The following GRINA variants were observed in gnomAD, a reference collection of about 807,000 sequenced individuals.
The protein encoded by GRINA is protein lifeguard 1.
Under a neutral mutation model 42.5 loss-of-function variants are expected in GRINA, and 26 were observed. The observed-to-expected ratio is 0.61, with a 90% CI of 0.45 to 0.85. The LOEUF is 0.85. GRINA is among the 40% of genes least tolerant of loss of function. The pLI, the probability that GRINA is intolerant of heterozygous loss-of-function variation, is 0.00. For missense variants in GRINA, 475 were observed against 481.5 expected (o/e 0.99, Z 0.13); for synonymous variants, 256 against 204.2 (o/e 1.25, Z -2.17).
rs782297335 is a variant in GRINA, at chr8:143,992,833, A to G, written c.1108A>G (p.Lys370Glu). 1 of 1,613,242 alleles carries G rather than the reference A, an allele frequency of 6.2e-7. No individual in the cohort carries two copies. The highest frequency in any genetic ancestry group is 1.3e-5 in the African/African-American group (1 of 74,920). ...CATCCTCACCATCATTGGCCGCGCCAAGGAGTAGCCGAGCTCCAGCTCGCT... is the reference window on the plus strand; with the variant it reads ...CATCCTCACCATCATTGGCCGCGCCGAGGAGTAGCCGAGCTCCAGCTCGCT... ...LYILTIIGRA[K>E]E The change falls in exon 7 of 7, where the codon AAG (lysine) becomes GAG (glutamate). Residue 370 changes from lysine (K) to glutamate (E), a missense_variant. By Grantham distance (56) the Lys-to-Glu change is moderately conservative (BLOSUM62 1). This residue lies in a region of GRINA where 154 missense variants were observed against 214.2 expected (regional missense o/e 0.72). Transcript: ENST00000395068.
In GRINA at chr8:143,990,799, C is replaced by T. The variant is rs75138349; in HGVS notation, c.-24-401C>T. On this transcript the variant is annotated intron_variant, in intron 1 of 6. Transcript: ENST00000395068. The surrounding 1 kb of genome is among the most constrained non-coding windows in gnomAD (Gnocchi z 5.6). ...TTAAAGCTGCTTAAGGGGCGGGATG[C>T]GGAGGGGAGGGTCCGGGCACACCCC... The T allele has an allele frequency of 0.031, 4,837 of 153,794 alleles. 99 individuals carry two copies. The highest frequency in any genetic ancestry group is 0.046 in the South Asian group (234 of 5,064). The allele number at this position is 153,794 out of a possible 1,614,324, so 9.5% of individuals were successfully genotyped here. A position where few individuals can be genotyped will look rare whatever the true frequency, so the allele number is the denominator to read the frequency against.
rs1554750398 is a variant in GRINA, at chr8:143,991,319, T to C, written c.96T>C (p.Tyr32=). 7.2e-7 allele frequency: 1 copy of C among 1,390,066 alleles called. No homozygotes were observed. The highest frequency in any genetic ancestry group is 9.8e-7 in the Non-Finnish European group (1 of 1,020,568). The allele number at this position is 1,390,066 out of a possible 1,614,324, so 86.1% of individuals were successfully genotyped here. The change falls in exon 2 of 7, where the codon TAT becomes TAC. Residue 32 remains tyrosine (Y), a synonymous_variant. Transcript: ENST00000395068. ...PGGPQPPMPP[Y]AQPPYPGAPY... ...GGCCCCAGCCACCCATGCCCCCCTATGCTCAGCCTCCCTACCCTGGGGCCC... is the reference window on the plus strand; with the variant it reads ...GGCCCCAGCCACCCATGCCCCCCTACGCTCAGCCTCCCTACCCTGGGGCCC...
Position 143,991,337 on chromosome 8 carries a change from TG to T in GRINA, c.118del (p.Ala40ProfsTer128). On this transcript the variant is annotated frameshift_variant, in exon 2 of 7. Coordinates refer to ENST00000395068, the MANE Select transcript of GRINA (RefSeq NM_001009184.2). LOFTEE classifies it high-confidence loss of function. Reference protein sequence around the residue: ...MPPYAQPPYPGAPYPQPPFQP... With the variant: ...MPPYAQPPYPXAPYPQPPFQP... ...CCCCCTATGCTCAGCCTCCCTACCCTGGGGCCCCTTACCCACAGCCCCCTTT... is the reference window on the plus strand; with the variant it reads ...CCCCCTATGCTCAGCCTCCCTACCCTGGGCCCCTTACCCACAGCCCCCTTT... 6 of 1,366,258 alleles carry T rather than the reference TG, an allele frequency of 4.4e-6. No individual in the cohort carries two copies. Among genetic ancestry groups the T allele is most frequent in the Non-Finnish European group, 5.0e-6 (5 of 1,006,360 alleles). 84.6% of individuals were successfully genotyped at this position (1,366,258 alleles called of 1,614,324 possible).
intron 5 of GRINA, 29 bp downstream of exon 5, chr8:143,992,402 GC>G: frequency 3.1e-6 from 5 of 1,610,528 alleles, no homozygotes; most frequent in Non-Finnish European, 4.2e-6. Context: ...CTGGGCTGTG[GC>G]CGCAGGGGCT....
chr8:143,992,646 G>T, intron 6 of GRINA, 38 bp downstream of exon 6: 4 of 1,613,954 alleles, frequency 2.5e-6, no homozygotes, highest in Non-Finnish European at 3.4e-6. Flanking sequence ...GCGGGATGCT[G>T]GGCAGGCAGG....
chr8:143,991,466 G>C lies in GRINA; in HGVS notation c.243G>C (p.Gln81His). 1 of 1,499,366 alleles carries C rather than the reference G, an allele frequency of 6.7e-7. No homozygotes were observed. The highest frequency in any genetic ancestry group is 1.3e-5 in the South Asian group (1 of 76,386). 92.9% of individuals were successfully genotyped at this position (1,499,366 alleles called of 1,614,324 possible). A position where few individuals can be genotyped will look rare whatever the true frequency, so the allele number is the denominator to read the frequency against. ...CCTACCCCCAAGGGGGCTACCCACAGGGCCCCTACCCACAAGAGGGCTACC... is the reference window on the plus strand; with the variant it reads ...CCTACCCCCAAGGGGGCTACCCACACGGCCCCTACCCACAAGAGGGCTACC... ...QGPYPQGGYP[Q>H]GPYPQEGYPQ... is the part of the protein sequence containing the mutation. Residue 81 changes from glutamine (Q) to histidine (H), a missense_variant, in exon 2 of 7, where the codon CAG becomes CAC. By Grantham distance (24) the Gln-to-His change is conservative. Coordinates refer to ENST00000395068, the MANE Select transcript of GRINA (RefSeq NM_001009184.2).
At position 143,993,092 on chromosome 8, in the gene GRINA, T is replaced by G. The variant is rs1341859279; in HGVS notation, c.*251T>G. The G allele has an allele frequency of 8.1e-6, 4 of 493,768 alleles. No homozygotes were observed. In the Admixed American group the frequency reaches 1.1e-4, roughly 13 times the overall value. The allele number at this position is 493,768 out of a possible 1,614,324, so 30.6% of individuals were successfully genotyped here. On this transcript the variant is annotated 3_prime_UTR_variant, in exon 7 of 7. Transcript: ENST00000395068. ...ACCAAGGCCACGTTTCCGTGCCACC[T>G]CCTGTCTACTCATTGTTGCATGAGC...
At position 143,991,571 on chromosome 8, in the gene GRINA, G is replaced by A; in HGVS notation, c.348G>A (p.Gln116=). 6.3e-7 allele frequency: 1 copy of A among 1,583,484 alleles called. No individual in the cohort carries two copies. ...CCTTCCCCCCCAACCCCTATGGACAGCCACAGGTCTTCCCAGGACAAGACC... is the reference window on the plus strand; with the variant it reads ...CCTTCCCCCCCAACCCCTATGGACAACCACAGGTCTTCCCAGGACAAGACC... ...QSPFPPNPYG[Q]PQVFPGQDPD... The change falls in exon 2 of 7, where the codon CAG becomes CAA. Residue 116 remains glutamine (Q), a synonymous_variant. Transcript: ENST00000395068.
At position 143,992,739 on chromosome 8, in the gene GRINA, C is replaced by T; in HGVS notation, c.1014C>T (p.Ser338=). 1 of 1,613,956 alleles carries T rather than the reference C, an allele frequency of 6.2e-7. No homozygotes were observed. Among genetic ancestry groups the T allele is most frequent in the Non-Finnish European group, 8.5e-7 (1 of 1,179,874 alleles). ...TGCTACTGGGGAACAAGCAGCTGTC[C>T]CTGAGCCCAGAAGAGTATGTGTTTG... ...TQLLLGNKQL[S]LSPEEYVFAA... The change falls in exon 7 of 7, where the codon TCC becomes TCT. Residue 338 remains serine, a synonymous_variant. Coordinates refer to ENST00000395068, the MANE Select transcript of GRINA (RefSeq NM_001009184.2).
Position 143,991,445 on chromosome 8 carries a change from C to T in GRINA, c.222C>T (p.Tyr74=). The T allele has an allele frequency of 3.4e-6, 5 of 1,469,502 alleles. No homozygotes were observed. Among genetic ancestry groups the T allele is most frequent in the Non-Finnish European group, 3.6e-6 (4 of 1,109,380 alleles). The allele number at this position is 1,469,502 out of a possible 1,614,324, so 91.0% of individuals were successfully genotyped here. ...YPQGGYPQGP[Y]PQGGYPQGPY... ...AAGGGGGCTACCCACAGGGTCCCTA[C>T]CCCCAAGGGGGCTACCCACAGGGCC... Residue 74 remains tyrosine (Y), a synonymous_variant, in exon 2 of 7, where the codon TAC becomes TAT. Transcript: ENST00000395068.
At chr8:143,991,670 A>C (rs781961190) in intron 2 of GRINA, 22 bp from the exon 3 acceptor site, 2 of 1,599,432 alleles carry the variant, frequency 1.3e-6, no homozygotes, top group East Asian at 4.5e-5. Context: ...AGTGGCGCTG[A>C]CCCAGCCTGT....
chr8:143,992,131 C>T (rs756808596), intron 4 of GRINA, 53 bp downstream of exon 4: 49 of 1,599,514 alleles, frequency 3.1e-5, no homozygotes, highest in Admixed American at 1.3e-4. Flanking sequence ...CAGTCCCACA[C>T]GCCCACTCTT....
chr8:143,991,882 T>C lies in GRINA; in HGVS notation c.497T>C (p.Phe166Ser). ...TCTGAGCGGCTCCTTCCCCAGGTGTTCCTAGTGCTGACCTTGCAGCTGTCG... is the reference window on the plus strand; with the variant it reads ...TCTGAGCGGCTCCTTCCCCAGGTGTCCCTAGTGCTGACCTTGCAGCTGTCG... The part of the protein sequence containing the change: ...SIRQAFIRKV[F>S]LVLTLQLSVT... Residue 166 changes from phenylalanine to serine, a missense_variant, in exon 4 of 7, where the codon TTC (phenylalanine) becomes TCC (serine). Coordinates refer to ENST00000395068, the MANE Select transcript of GRINA (RefSeq NM_001009184.2). 1 of 1,611,450 alleles carries C rather than the reference T, an allele frequency of 6.2e-7. No homozygotes were observed. The highest frequency in any genetic ancestry group is 8.5e-7 in the Non-Finnish European group (1 of 1,178,390).
chr8:143,991,083 TCA>T, intron 1 of GRINA, 115 bp from the exon 2 acceptor site: 1 of 593,694 alleles, frequency 1.7e-6, no homozygotes. Flanking sequence ...GGGGCAAAGG[TCA>T]CGGTCTTCCC....
Position 143,992,210 on chromosome 8 carries a change from C to T in GRINA, c.694-35C>T, listed in dbSNP as rs781944426. On this transcript the variant is annotated intron_variant, in intron 4 of 6. Coordinates refer to ENST00000395068, the MANE Select transcript of GRINA (RefSeq NM_001009184.2). ...GGCCGGCAGGGGTGGCATGGGGGCA[C>T]ACACCCAAGGTCAGCCTGTGTCTCC... 12 of 1,602,508 alleles carry T rather than the reference C, an allele frequency of 7.5e-6. No individual in the cohort carries two copies. In the East Asian group the frequency reaches 2.2e-4, roughly 30 times the overall value.
chr8:143,992,413 T>C, intron 5 of GRINA, 40 bp downstream of exon 5: 1 of 1,612,824 alleles, frequency 6.2e-7, no homozygotes, highest in Non-Finnish European at 8.5e-7. Context: ...CCGCAGGGGC[T>C]GAGCAGCTTT....
At position 143,990,121 on chromosome 8, in the gene GRINA, C is replaced by A. The variant is rs1252911623; in HGVS notation, c.-103C>A. On this transcript the variant is annotated 5_prime_UTR_variant, in exon 1 of 7. Coordinates refer to ENST00000395068, the MANE Select transcript of GRINA (RefSeq NM_001009184.2). This position sits in a 1 kb window ranked among gnomAD's most constrained non-coding sequence, Gnocchi z 5.6. The stretch of plus-strand genomic sequence containing the variant: ...CAGCTGAGCGGCCGCCGAGCGGGTG[C>A]GGGTGCGGGCGCATCGGCCATCACC... 1 of 151,116 alleles carries A rather than the reference C, an allele frequency of 6.6e-6. No individual in the cohort carries two copies. Among genetic ancestry groups the A allele is most frequent in the Non-Finnish European group, 1.5e-5 (1 of 67,670 alleles). 9.4% of individuals were successfully genotyped at this position (151,116 alleles called of 1,614,324 possible).
In GRINA at chr8:143,990,527, A is replaced by G. The variant is rs1834072943; in HGVS notation, c.-25+328A>G. 6.7e-6 allele frequency: 1 copy of G among 148,730 alleles called. No homozygotes were observed. Among genetic ancestry groups the G allele is most frequent in the African/African-American group, 2.5e-5 (1 of 39,970 alleles). The allele number at this position is 148,730 out of a possible 1,614,324, so 9.2% of individuals were successfully genotyped here. A position where few individuals can be genotyped will look rare whatever the true frequency, so the allele number is the denominator to read the frequency against. Reference sequence around the variant, plus strand: ...CCGCAGCCCCTACCCGCCTCGCCCCACGCCCGCTTTGTTCCCCGCACGCCC... The same window carrying G: ...CCGCAGCCCCTACCCGCCTCGCCCCGCGCCCGCTTTGTTCCCCGCACGCCC... On this transcript the variant is annotated intron_variant, in intron 1 of 6. Transcript: ENST00000395068. This position sits in a 1 kb window ranked among gnomAD's most constrained non-coding sequence, Gnocchi z 5.6.
rs782749182 is a variant in GRINA at position 143,992,018 on chromosome 8, C to A, written c.633C>A (p.Leu211=). Residue 211 remains leucine (L), a synonymous_variant, in exon 4 of 7, where the codon CTC becomes CTA. Coordinates refer to ENST00000395068, the MANE Select transcript of GRINA (RefSeq NM_001009184.2). ...CCTATGCTGTCTTCTTCATCTCTCTCATCGTCCTCAGCTGTTGTGGGGACT... is the reference window on the plus strand; with the variant it reads ...CCTATGCTGTCTTCTTCATCTCTCTAATCGTCCTCAGCTGTTGTGGGGACT... The part of the protein sequence containing the change: ...YVSYAVFFIS[L]IVLSCCGDFR... The A allele has an allele frequency of 1.9e-6, 3 of 1,613,830 alleles. No individual in the cohort carries two copies. The African/African-American group carries it at 4.0e-5, about 22-fold the overall frequency.
Sources: gnomAD v4.1 joint callset for allele counts on GRCh38, gnomAD v4.1.1 for gene constraint, gnomAD v4.1.1 regional missense constraint, Gnocchi (gnomAD v3.1) non-coding constraint, MANE v1.5 for transcripts, NCBI Gene and HGNC (gene_info 2026-07-23, HGNC 2026-07-21) for gene names.